The following CPZ variants were observed in gnomAD, a reference collection of about 807,000 sequenced individuals.
The protein encoded by CPZ is VEZT/CPZ fusion.
CPZ carries 103 observed loss-of-function variants against 61.8 expected under a neutral mutation model. The observed-to-expected ratio is 1.67, with a 90% CI of 1.42 to 1.96. The LOEUF (loss-of-function observed/expected upper bound fraction) is 1.96. CPZ is among the 30% of genes most tolerant of loss of function. CPZ has a pLI of 0.00. For synonymous variants in CPZ, 551 were observed against 373.7 expected (o/e 1.47, Z -5.47); for missense variants, 1,461 against 914.9 (o/e 1.60, Z -7.70).
chr4:8,605,624 A>T (rs906290316), intron 4 of CPZ, among the ~76,000 whole-genome samples: 1 of 110,392 alleles, frequency 9.1e-6, no homozygotes, highest in African/African-American at 5.0e-5. Flanking sequence ...CCATCCATCC[A>T]TCATTGATAT....
At chr4:8,596,628 C>G (rs1263372770) in intron 1 of CPZ, among the ~76,000 whole-genome samples, 1 of 152,248 alleles carries the variant, frequency 6.6e-6, no homozygotes, top group Non-Finnish European at 1.5e-5. Context: ...CTTGATGGAT[C>G]CTCCAACAGC....
chr4:8,613,599 C>T (rs1223632478), intron 8 of CPZ, among the ~76,000 whole-genome samples: 1 of 152,224 alleles, frequency 6.6e-6, no homozygotes, highest in African/African-American at 2.4e-5. Context: ...AGGGCGTGGG[C>T]TCCCTGTGGC....
At position 8,615,630 on chromosome 4, in the gene CPZ, T is replaced by A. The variant is rs543267410; in HGVS notation, c.1503+1132T>A. On this transcript the variant is annotated intron_variant, in intron 9 of 10. Transcript: ENST00000360986. ...CCCATTTTATAGATGGAGTTGAGGT[T>A]CTGGCCTGGGGTCTCTGGGCCACAC... Among the ~76,000 whole-genome samples the A allele has an allele frequency of 1.6e-4, 24 of 152,200 alleles. No individual in the cohort carries two copies. In the South Asian group the frequency reaches 2.5e-3, roughly 16 times the overall value.
intron 7 of CPZ, among the ~76,000 whole-genome samples, chr4:8,609,133 C>CACTT (rs1553877615): frequency 4.4e-4 from 10 of 22,850 alleles, no homozygotes; most frequent in Non-Finnish European, 1.2e-3. Context: ...CTCATTCACT[C>CACTT]ATTTACTCAT....
At position 8,601,194 on chromosome 4, in the gene CPZ, C is replaced by T. The variant is rs1312366437; in HGVS notation, c.193C>T (p.Leu65Phe). 2 of 1,612,906 alleles carry T rather than the reference C, an allele frequency of 1.2e-6. No homozygotes were observed. Among genetic ancestry groups the T allele is most frequent in the South Asian group, 2.2e-5 (2 of 91,026 alleles). The stretch of plus-strand genomic sequence containing the variant: ...CAACCACACCACCTTCCCCAACCTG[C>T]TTCAGCACCGGTCGTGGGAGGTGGT... Reference protein sequence around the residue: ...AYNHTTFPNLLQHRSWEVVEA... With the variant: ...AYNHTTFPNLFQHRSWEVVEA... The change falls in exon 3 of 11, where the codon CTT becomes TTT. Residue 65 changes from leucine to phenylalanine, a missense_variant. Leu to Phe is a conservative substitution (Grantham distance 22, BLOSUM62 0). Coordinates refer to ENST00000360986, the MANE Select transcript of CPZ (RefSeq NM_001014447.3).
chr4:8,600,085 T>C (rs1270727826), intron 2 of CPZ: 1 of 152,206 alleles, frequency 6.6e-6, no homozygotes, highest in Non-Finnish European at 1.5e-5. Flanking sequence ...AGAAAAAAAA[T>C]TCTGGGTACC....
rs779266249 is a variant in CPZ, at chr4:8,592,869, C to T, written c.36C>T (p.Val12=). ...PPPLPLLLLT[V]LVVAAARPGC... ...CGCTGCCGCTGCTGCTCCTTACAGTCCTGGTCGTCGCCGCTGCCCGGCCGG... is the reference window on the plus strand; with the variant it reads ...CGCTGCCGCTGCTGCTCCTTACAGTTCTGGTCGTCGCCGCTGCCCGGCCGG... The change falls in exon 1 of 11, where the codon GTC becomes GTT. Residue 12 remains valine, a synonymous_variant. Coordinates refer to ENST00000360986, the MANE Select transcript of CPZ (RefSeq NM_001014447.3). 179 of 1,533,302 alleles carry T rather than the reference C, an allele frequency of 1.2e-4. No individual in the cohort carries two copies. Among genetic ancestry groups the T allele is most frequent in the Middle Eastern group, 1.1e-3 (6 of 5,528 alleles). 95.0% of individuals were successfully genotyped at this position (1,533,302 alleles called of 1,614,324 possible).
intron 7 of CPZ, among the ~76,000 whole-genome samples, chr4:8,608,134 C>CTCCAGCT (rs200771067): frequency 1.1e-4 from 16 of 140,838 alleles, no homozygotes; most frequent in Admixed American, 3.1e-4. Context: ...GGGCCCCAGC[C>CTCCAGCT]TCCAGCCCCC....
intron 1 of CPZ, among the ~76,000 whole-genome samples, chr4:8,595,056 G>A (rs764231035): frequency 6.6e-6 from 1 of 152,248 alleles, no homozygotes; most frequent in Admixed American, 6.5e-5. Flanking sequence ...ACAGGCGTGA[G>A]CCACCACGCC....
chr4:8,606,645 G>T, intron 5 of CPZ, 92 bp from the exon 6 acceptor site: 1 of 1,526,396 alleles, frequency 6.6e-7, no homozygotes, highest in Non-Finnish European at 9.0e-7. Context: ...GCAGCCCCTG[G>T]CCTTGACCCT....
intron 1 of CPZ, among the ~76,000 whole-genome samples, chr4:8,598,272 C>T (rs1714325246): frequency 6.6e-6 from 1 of 152,228 alleles, no homozygotes; most frequent in Non-Finnish European, 1.5e-5. Flanking sequence ...AACCCAGTCC[C>T]AGGAAGTTCC....
At chr4:8,601,719 C>T (rs1054610760) in intron 3 of CPZ, among the ~76,000 whole-genome samples, 7 of 152,152 alleles carry the variant, frequency 4.6e-5, no homozygotes, top group Non-Finnish European at 5.9e-5. Flanking sequence ...CTGCCCAGGG[C>T]CCCCTAGCAG....
chr4:8,598,286 G>C (rs1307869801), intron 1 of CPZ, among the ~76,000 whole-genome samples: 2 of 152,216 alleles, frequency 1.3e-5, no homozygotes, highest in Non-Finnish European at 2.9e-5. Context: ...AAGTTCCCGA[G>C]GGTGGGAGCT....
intron 8 of CPZ, among the ~76,000 whole-genome samples, chr4:8,612,594 G>C (rs566591981): frequency 6.6e-6 from 1 of 152,228 alleles, no homozygotes; most frequent in Admixed American, 6.5e-5. Flanking sequence ...GGGGTGGACT[G>C]ATACTACAAT....
chr4:8,600,748 G>T (rs960385217), intron 2 of CPZ, among the ~76,000 whole-genome samples: 4 of 152,248 alleles, frequency 2.6e-5, no homozygotes, highest in African/African-American at 9.6e-5. Context: ...GTGTCTTTTG[G>T]GACGTCTTTG....
chr4:8,606,839 G>C lies in CPZ; in HGVS notation c.1009G>C (p.Glu337Gln), dbSNP rs1197175015. ...GACGTCCGAGTACTACCGGCTGGCGGAGACCCGCGGCGCACGCAGCGACCA... is the reference window on the plus strand; with the variant it reads ...GACGTCCGAGTACTACCGGCTGGCGCAGACCCGCGGCGCACGCAGCGACCA... ...DLTSEYYRLA[E>Q]TRGARSDHIP... is the part of the protein sequence containing the mutation. The change falls in exon 6 of 11, where the codon GAG becomes CAG. Residue 337 changes from glutamate to glutamine, a missense_variant. Transcript: ENST00000360986. 1 of 1,613,734 alleles carries C rather than the reference G, an allele frequency of 6.2e-7. No individual in the cohort carries two copies. Among genetic ancestry groups the C allele is most frequent in the Middle Eastern group, 1.6e-4 (1 of 6,062 alleles).
chr4:8,599,421 G>GGTCCCTAACAGTGCCAT, intron 1 of CPZ, 32 bp from the exon 2 acceptor site: 1 of 1,583,730 alleles, frequency 6.3e-7, no homozygotes, highest in South Asian at 1.1e-5. Flanking sequence ...TGGCGAGGCA[G>GGTCCCTAACAGTGCCAT]GTCCCTAACA....
chr4:8,606,242 A>G (rs551496975), intron 5 of CPZ, 57 bp downstream of exon 5: 2 of 1,505,216 alleles, frequency 1.3e-6, no homozygotes, highest in South Asian at 2.4e-5. Flanking sequence ...CCCCTCATTC[A>G]TCCATTTATG....
In CPZ at chr4:8,614,428, T is replaced by TC. The variant is rs530018303; in HGVS notation, c.1440dup (p.Glu481ArgfsTer33). The TC allele has an allele frequency of 2.7e-4, 436 of 1,613,252 alleles. No individual in the cohort carries two copies. Among genetic ancestry groups the TC allele is most frequent in the Middle Eastern group, 3.3e-4 (2 of 6,060 alleles). ...ACGGTAGAGCTGGGCTGTGTGAAGTTCCCCCCCGAGGAGGCCCTGTACATA... is the reference window on the plus strand; with the variant it reads ...ACGGTAGAGCTGGGCTGTGTGAAGTTCCCCCCCCGAGGAGGCCCTGTACATA... On this transcript the variant is annotated frameshift_variant, in exon 9 of 11. Transcript: ENST00000360986. LOFTEE classifies it high-confidence loss of function.
Sources: gnomAD v4.1 joint callset for allele counts (sites outside exome capture counted in the v4.1 genomes callset) on GRCh38, gnomAD v4.1.1 for gene constraint, MANE v1.5 for transcripts, NCBI Gene and HGNC (gene_info 2026-07-23, HGNC 2026-07-21) for gene names.